The following ROBO1 variants were observed in gnomAD, a reference collection of about 807,000 sequenced individuals.
The protein encoded by ROBO1 is roundabout homolog 1.
Under a neutral mutation model 195.9 loss-of-function variants are expected in ROBO1, and 149 were observed. That is an observed-to-expected ratio of 0.76 (90% CI 0.67 to 0.87). ROBO1 has a LOEUF of 0.87. Ranked by LOEUF, ROBO1 falls within the 40% of genes least tolerant of loss-of-function variation. The pLI, the probability that ROBO1 is intolerant of heterozygous loss-of-function variation, is 0.00. For synonymous variants in ROBO1, 816 were observed against 733.2 expected, an observed-to-expected ratio of 1.11 and a Z score of -1.82; for missense variants, 1,933 against 2,068.3, an observed-to-expected ratio of 0.93 and a Z score of 1.27.
chr3:79,402,643 C>T (rs186957718), intron 2 of ROBO1, among the ~76,000 whole-genome samples: 1 of 152,016 alleles, frequency 6.6e-6, no homozygotes, highest in East Asian at 1.9e-4. Context: ...CAGGTAAAAA[C>T]AGAGACCCAG....
intron 1 of ROBO1, among the ~76,000 whole-genome samples, chr3:79,740,464 G>T (rs757225864): frequency 7.9e-5 from 12 of 151,930 alleles, no homozygotes; most frequent in Non-Finnish European, 1.8e-4. Flanking sequence ...AATTTATAAA[G>T]AAAAGAGGCT....
chr3:79,298,586 C>T (rs1003521392), intron 2 of ROBO1, among the ~76,000 whole-genome samples: 4 of 151,966 alleles, frequency 2.6e-5, no homozygotes, highest in African/African-American at 9.7e-5. Flanking sequence ...TGGGGATGTT[C>T]TGAAACAGAA....
At chr3:78,951,164 A>C (rs1256322502) in intron 3 of ROBO1, among the ~76,000 whole-genome samples, 1 of 151,884 alleles carries the variant, frequency 6.6e-6, no homozygotes. Context: ...AGCATATATA[A>C]ATCTCATAAG....
chr3:79,442,008 A>C (rs2039069779), intron 2 of ROBO1, among the ~76,000 whole-genome samples: 1 of 152,146 alleles, frequency 6.6e-6, no homozygotes, highest in Non-Finnish European at 1.5e-5. Context: ...CTAAGAACAT[A>C]AGAGGACCAA....
intron 1 of ROBO1, among the ~76,000 whole-genome samples, chr3:79,743,142 C>A (rs546958203): frequency 1.3e-5 from 2 of 152,274 alleles, no homozygotes; most frequent in South Asian, 4.2e-4. Flanking sequence ...ATGAGAAATG[C>A]ATCCTTAGGC....
chr3:79,167,524 T>C (rs773273452), intron 2 of ROBO1, among the ~76,000 whole-genome samples: 5 of 152,230 alleles, frequency 3.3e-5, no homozygotes, highest in Non-Finnish European at 7.3e-5. Flanking sequence ...TTCATATAAA[T>C]GATAAAACTA....
intron 3 of ROBO1, among the ~76,000 whole-genome samples, chr3:79,037,247 T>C (rs1470467529): frequency 2.0e-5 from 3 of 152,212 alleles, no homozygotes; most frequent in Non-Finnish European, 4.4e-5. Context: ...TTCTAGGTAT[T>C]CGTTAGAATA....
At chr3:78,844,808 AT>A (rs759169401) in intron 4 of ROBO1, among the ~76,000 whole-genome samples, 5 of 152,096 alleles carry the variant, frequency 3.3e-5, no homozygotes, top group Non-Finnish European at 5.9e-5. Context: ...TCATGGTTCA[AT>A]AATTAGTGAA....
intron 2 of ROBO1, among the ~76,000 whole-genome samples, chr3:79,181,273 T>C (rs552197211): frequency 6.6e-6 from 1 of 152,324 alleles, no homozygotes; most frequent in South Asian, 2.1e-4. Flanking sequence ...CATGTACTAC[T>C]AGATGGTAAG....
intron 2 of ROBO1, among the ~76,000 whole-genome samples, chr3:79,302,725 TA>T (rs1163399664): frequency 6.6e-6 from 1 of 152,198 alleles, no homozygotes; most frequent in East Asian, 1.9e-4. Context: ...CAACATTGTG[TA>T]ATTATGTATA....
At position 78,916,143 on chromosome 3, in the gene ROBO1, G is replaced by C. The variant is rs754551038; in HGVS notation, c.499+22458C>G. ...GCGGCGCCTGTAGTCGCAGCCACTCGGGAGGCTGAGGCAGGAGAATGGCGT... is the reference window on the plus strand; with the variant it reads ...GCGGCGCCTGTAGTCGCAGCCACTCCGGAGGCTGAGGCAGGAGAATGGCGT... On this transcript the variant is annotated intron_variant, in intron 4 of 30. Coordinates refer to ENST00000464233, the MANE Select transcript of ROBO1 (RefSeq NM_002941.4). 2.0e-5 allele frequency among the ~76,000 whole-genome samples: 3 copies of C among 151,582 alleles called. No individual in the cohort carries two copies. The East Asian group carries it at 5.8e-4, about 30-fold the overall frequency.
In ROBO1 at chr3:79,182,542, GGTGT is replaced by G. The variant is rs71127377; in HGVS notation, c.89-57007_89-57004del. On this transcript the variant is annotated intron_variant, in intron 2 of 30. Transcript: ENST00000464233. ...CTGCCTTCATCAGCACTGGGGCACA[GGTGT>G]GTGTGTGTGTGTGTGTGTGTGTGTG... is the stretch of plus-strand genomic sequence containing the variant. Among the ~76,000 whole-genome samples, 694 of 148,534 alleles carry G rather than the reference GGTGT, an allele frequency of 4.7e-3. 2 individuals carry two copies. The highest frequency in any genetic ancestry group is 0.01 in the Middle Eastern group (3 of 290).
rs187030101 is a variant in ROBO1, at chr3:79,620,303, A to G, written c.-50-30342T>C. On this transcript the variant is annotated intron_variant, in intron 1 of 30. Coordinates refer to ENST00000464233, the MANE Select transcript of ROBO1 (RefSeq NM_002941.4). ...AGGGGCTGAAGACTGATGCTGCCCGATCGCCTCGGAAGCCTCCTGGACCAT... is the reference window on the plus strand; with the variant it reads ...AGGGGCTGAAGACTGATGCTGCCCGGTCGCCTCGGAAGCCTCCTGGACCAT... Among the ~76,000 whole-genome samples the G allele has an allele frequency of 3.3e-5, 5 of 152,192 alleles. No individual in the cohort carries two copies. The East Asian group carries it at 9.8e-4, about 30-fold the overall frequency.
intron 2 of ROBO1, among the ~76,000 whole-genome samples, chr3:79,372,501 G>A (rs528386419): frequency 3.9e-5 from 6 of 151,994 alleles, no homozygotes; most frequent in Admixed American, 6.6e-5. Context: ...GAGCCACTGC[G>A]CCTGGCCTCT....
chr3:78,627,544 C>T lies in ROBO1; in HGVS notation c.3652G>A (p.Val1218Met), dbSNP rs201971706. Reference protein sequence around the residue: ...ESYDQEMPCPVPPARMYLQQD... With the variant: ...ESYDQEMPCPMPPARMYLQQD... ...TGCAAATACATCCTTGCTGGTGGCA[C>T]GGGACATGGCATTTCTTGGTCATAG... The change falls in exon 26 of 31, where the codon GTG becomes ATG. Residue 1218 changes from valine (V) to methionine (M), a missense_variant. Transcript: ENST00000464233. The T allele has an allele frequency of 5.6e-4, 906 of 1,612,744 alleles. 2 individuals carry two copies. Among genetic ancestry groups the T allele is most frequent in the Middle Eastern group, 3.0e-3 (18 of 6,050 alleles).
intron 2 of ROBO1, among the ~76,000 whole-genome samples, chr3:79,323,625 T>C (rs528026362): frequency 6.6e-6 from 1 of 152,324 alleles, no homozygotes; most frequent in East Asian, 1.9e-4. Context: ...TACATAAGAT[T>C]GAAGTTATGC....
intron 3 of ROBO1, among the ~76,000 whole-genome samples, chr3:79,012,411 A>G (rs2108218932): frequency 6.6e-6 from 1 of 152,348 alleles, no homozygotes; most frequent in East Asian, 1.9e-4. Flanking sequence ...TAGACTATTT[A>G]GTCTCATCTT....
At chr3:79,714,109 G>A (rs1413958817) in intron 1 of ROBO1, among the ~76,000 whole-genome samples, 2 of 151,934 alleles carry the variant, frequency 1.3e-5, no homozygotes, top group Non-Finnish European at 2.9e-5. Context: ...CTGACAAAGG[G>A]CTAATATCCA....
At chr3:78,691,131 G>C (rs1310009026) in intron 8 of ROBO1, among the ~76,000 whole-genome samples, 1 of 152,028 alleles carries the variant, frequency 6.6e-6, no homozygotes, top group Admixed American at 6.6e-5. Context: ...AGTTGCAGTA[G>C]ATATATCTCT....
Sources: gnomAD v4.1 joint callset for allele counts (sites outside exome capture counted in the v4.1 genomes callset) on GRCh38, gnomAD v4.1.1 for gene constraint, MANE v1.5 for transcripts, NCBI Gene and HGNC (gene_info 2026-07-23, HGNC 2026-07-21) for gene names.